STIM2: variants seen among roughly 807,000 people sequenced by gnomAD.
STIM2 encodes the protein stromal interaction molecule 2.
Under a neutral mutation model 85.8 loss-of-function variants are expected in STIM2, and 31 were observed. The ratio of observed to expected loss-of-function variants is 0.36; its 90% confidence interval spans 0.27 to 0.49. The LOEUF is 0.49. Among genes scored for constraint, STIM2 ranks in the 20% least tolerant of loss-of-function variants. STIM2 has a pLI of 0.98. For missense variants in STIM2, 841 were observed against 927.6 expected, an observed-to-expected ratio of 0.91 and a Z score of 1.21; for synonymous variants, 356 against 331.1, an observed-to-expected ratio of 1.08 and a Z score of -0.82.
chr4:26,860,878 G>A lies in STIM2; in HGVS notation c.-341G>A, dbSNP rs1187617109. ...CCCGGTCTCGCCGCAGCAGCAGCGC[G>A]GGTGTCGTGCACCGCCTGAAGACGC... On this transcript the variant is annotated 5_prime_UTR_variant, in exon 1 of 12. Coordinates refer to ENST00000467087, the MANE Select transcript of STIM2 (RefSeq NM_020860.4). 4 of 929,344 alleles carry A rather than the reference G, an allele frequency of 4.3e-6. No individual in the cohort carries two copies. The highest frequency in any genetic ancestry group is 1.8e-5 in the African/African-American group (1 of 55,246). 57.6% of individuals were successfully genotyped at this position (929,344 alleles called of 1,614,324 possible). A position where few individuals can be genotyped will look rare whatever the true frequency, so the allele number is the denominator to read the frequency against.
chr4:26,933,570 C>T (rs1046914306), intron 2 of STIM2, among the ~76,000 whole-genome samples: 2 of 151,544 alleles, frequency 1.3e-5, no homozygotes, highest in Non-Finnish European at 2.9e-5. Flanking sequence ...TTTATATTAT[C>T]ATCCTCATAT....
intron 1 of STIM2, among the ~76,000 whole-genome samples, chr4:26,877,365 T>C (rs937646849): frequency 5.9e-5 from 9 of 152,186 alleles, no homozygotes; most frequent in Non-Finnish European, 4.4e-5. Context: ...TCTGTTCTTA[T>C]GTTGTCCAGA....
rs1169617163 is a variant in STIM2, at chr4:27,025,218, A to G, written c.*2222A>G. The G allele has an allele frequency of 6.6e-6, 1 of 152,230 alleles. No individual in the cohort carries two copies. The highest frequency in any genetic ancestry group is 1.9e-4 in the East Asian group (1 of 5,196). 9.4% of individuals were successfully genotyped at this position (152,230 alleles called of 1,614,324 possible). On this transcript the variant is annotated 3_prime_UTR_variant, in exon 12 of 12. Transcript: ENST00000467087. The stretch of plus-strand genomic sequence containing the variant: ...CAGTATACACATTTGTAAATTCAAC[A>G]GGAAATTATTGAGTTTTGGAAAGCT...
Position 27,002,232 on chromosome 4 carries a change from G to A in STIM2, c.641G>A (p.Trp214Ter). Reference sequence around the variant, plus strand: ...CTTTTAATAGGCCCACCTCATAACTGGATGAAAGATTTTATCCTCACAGTT... The same window carrying A: ...CTTTTAATAGGCCCACCTCATAACTAGATGAAAGATTTTATCCTCACAGTT... Residue 214 changes from tryptophan to a stop codon, truncating the protein, a stop_gained, in exon 6 of 12, where the codon TGG (tryptophan) becomes TAG (stop). Transcript: ENST00000467087. LOFTEE classifies it high-confidence loss of function. 6.2e-7 allele frequency: 1 copy of A among 1,608,962 alleles called. No individual in the cohort carries two copies. Among genetic ancestry groups the A allele is most frequent in the Non-Finnish European group, 8.5e-7 (1 of 1,178,476 alleles).
At chr4:27,002,178 C>A in intron 5 of STIM2, 39 bp from the exon 6 acceptor site, 7 of 1,541,422 alleles carry the variant, frequency 4.5e-6, no homozygotes, top group Non-Finnish European at 6.1e-6. Context: ...TCCTGTCATA[C>A]TCAAAGATTA....
At chr4:26,865,991 T>G (rs1722395843) in intron 1 of STIM2, among the ~76,000 whole-genome samples, 2 of 50 alleles carry the variant, frequency 0.04, no homozygotes, top group African/African-American at 0.17. Flanking sequence ...TAGCTACTGT[T>G]TTTTTTTTTC....
In STIM2 at chr4:26,900,484, T is replaced by C. The variant is rs1723879342; in HGVS notation, c.152-19020T>C. Among the ~76,000 whole-genome samples, 2 of 152,196 alleles carry C rather than the reference T, an allele frequency of 1.3e-5. 1 individual carries two copies. The highest frequency in any genetic ancestry group is 4.1e-4 in the South Asian group (2 of 4,836). On this transcript the variant is annotated intron_variant, in intron 1 of 11. Coordinates refer to ENST00000467087, the MANE Select transcript of STIM2 (RefSeq NM_020860.4). ...CTCAGAATCTAGACAAAGAGAGCCT[T>C]GTTACACTTTTCAGGGATTAAAATT...
At chr4:26,876,601 A>C (rs1008407204) in intron 1 of STIM2, among the ~76,000 whole-genome samples, 2 of 152,206 alleles carry the variant, frequency 1.3e-5, no homozygotes, top group Non-Finnish European at 2.9e-5. Context: ...TAGAGGATTT[A>C]TTAAATTTAT....
chr4:26,973,583 A>T (rs533663346), intron 3 of STIM2, among the ~76,000 whole-genome samples: 28 of 152,114 alleles, frequency 1.8e-4, no homozygotes, highest in Non-Finnish European at 2.9e-4. Context: ...TTCTAATTTG[A>T]TCGCACTGTG....
chr4:26,999,326 G>T lies in STIM2; in HGVS notation c.604G>T (p.Val202Phe). 6.2e-7 allele frequency: 1 copy of T among 1,608,982 alleles called. No individual in the cohort carries two copies. Among genetic ancestry groups the T allele is most frequent in the Non-Finnish European group, 8.5e-7 (1 of 1,177,464 alleles). ...ACTTCAGCTCAAGGCATTGGATGTGGTTTTGTTTGGACCTCTAACACGTTA... is the reference window on the plus strand; with the variant it reads ...ACTTCAGCTCAAGGCATTGGATGTGTTTTTGTTTGGACCTCTAACACGTTA... Residue 202 changes from valine (V) to phenylalanine (F), a missense_variant, in exon 5 of 12, where the codon GTT becomes TTT. Val to Phe is a conservative substitution (Grantham distance 50). Around this residue, in one of 3 missense-constraint regions of STIM2, gnomAD observed 408 missense variants for 525.4 expected, o/e 0.78. Coordinates refer to ENST00000467087, the MANE Select transcript of STIM2 (RefSeq NM_020860.4).
chr4:27,021,107 C>T (rs1412623672), intron 11 of STIM2: 11 of 1,494,546 alleles, frequency 7.4e-6, no homozygotes, highest in Non-Finnish European at 9.0e-6. Context: ...ATATCTCACT[C>T]TGTTCATTCA....
At chr4:26,965,860 C>T (rs1726697726) in intron 3 of STIM2, among the ~76,000 whole-genome samples, 3 of 152,098 alleles carry the variant, frequency 2.0e-5, no homozygotes, top group Admixed American at 6.6e-5. Flanking sequence ...AGACCACTAC[C>T]TATTACATCT....
In STIM2 at chr4:26,956,478, T is replaced by C. The variant is rs1726243996; in HGVS notation, c.283-1134T>C. 2.0e-5 allele frequency among the ~76,000 whole-genome samples: 3 copies of C among 151,840 alleles called. No individual in the cohort carries two copies. The South Asian group carries it at 6.2e-4, about 32-fold the overall frequency. On this transcript the variant is annotated intron_variant, in intron 2 of 11. Coordinates refer to ENST00000467087, the MANE Select transcript of STIM2 (RefSeq NM_020860.4). ...TTTTTTTAAGAGACAGGTTCTTGCCTTGTTGCCCAGGTTGGAGTGCAGTGG... is the reference window on the plus strand; with the variant it reads ...TTTTTTTAAGAGACAGGTTCTTGCCCTGTTGCCCAGGTTGGAGTGCAGTGG...
chr4:26,955,322 T>G lies in STIM2; in HGVS notation c.283-2290T>G, dbSNP rs1296710113. Reference sequence around the variant, plus strand: ...CACAGAACTGCACGTTTAGATTGTTTGAGTTCATGTAGTAAAGATAATTTT... The same window carrying G: ...CACAGAACTGCACGTTTAGATTGTTGGAGTTCATGTAGTAAAGATAATTTT... On this transcript the variant is annotated intron_variant, in intron 2 of 11. Coordinates refer to ENST00000467087, the MANE Select transcript of STIM2 (RefSeq NM_020860.4). Among the ~76,000 whole-genome samples, 8 of 147,846 alleles carry G rather than the reference T, an allele frequency of 5.4e-5. 1 individual carries two copies. Among genetic ancestry groups the G allele is most frequent in the Non-Finnish European group, 1.2e-4 (8 of 67,194 alleles).
rs375726134 is a variant in STIM2, at chr4:26,879,075, G to A, written c.151+17706G>A. Among the ~76,000 whole-genome samples, 88 of 152,232 alleles carry A rather than the reference G, an allele frequency of 5.8e-4. No homozygotes were observed. The Middle Eastern group carries it at 0.01, about 18-fold the overall frequency. On this transcript the variant is annotated intron_variant, in intron 1 of 11. Coordinates refer to ENST00000467087, the MANE Select transcript of STIM2 (RefSeq NM_020860.4). Reference sequence around the variant, plus strand: ...TTCTTGCTGCTTTGTCTCCCCTGTCGTGTGCTCTTTTTGTATTGCATTCAG... The same window carrying A: ...TTCTTGCTGCTTTGTCTCCCCTGTCATGTGCTCTTTTTGTATTGCATTCAG...
At chr4:26,953,696 G>T (rs960506387) in intron 2 of STIM2, among the ~76,000 whole-genome samples, 1 of 151,984 alleles carries the variant, frequency 6.6e-6, no homozygotes, top group Non-Finnish European at 1.5e-5. Context: ...TGTTCCTGGT[G>T]CTATGTCTTT....
chr4:26,877,321 C>G (rs1002529046), intron 1 of STIM2, among the ~76,000 whole-genome samples: 1 of 152,082 alleles, frequency 6.6e-6, no homozygotes, highest in African/African-American at 2.4e-5. Flanking sequence ...ATTTGACTCT[C>G]TTACAGTTTT....
intron 1 of STIM2, chr4:26,873,831 G>C: frequency 1.1e-6 from 1 of 947,050 alleles, no homozygotes; most frequent in South Asian, 1.3e-5. Context: ...CGCCTCAACC[G>C]CCGTAGTGGG....
At chr4:26,985,143 G>A (rs1727536421) in intron 3 of STIM2, among the ~76,000 whole-genome samples, 2 of 152,174 alleles carry the variant, frequency 1.3e-5, no homozygotes, top group Admixed American at 1.3e-4. Flanking sequence ...GAGCAGCTGA[G>A]CATCTAAAGT....
Sources: gnomAD v4.1 joint callset for allele counts (sites outside exome capture counted in the v4.1 genomes callset) on GRCh38, gnomAD v4.1.1 for gene constraint, gnomAD v4.1.1 regional missense constraint, MANE v1.5 for transcripts, NCBI Gene and HGNC (gene_info 2026-07-23, HGNC 2026-07-21) for gene names.